PCGF3: variants seen among roughly 807,000 people sequenced by gnomAD.
The protein encoded by PCGF3 is polycomb group ring finger 3.
A neutral mutation model predicts 33.1 loss-of-function variants in PCGF3; 7 were observed. The ratio of observed to expected loss-of-function variants is 0.21; its 90% CI spans 0.12 to 0.40. The LOEUF is 0.40. PCGF3 is among the 10% of genes least tolerant of loss of function. The pLI, the probability that PCGF3 is intolerant of heterozygous loss-of-function variation, is 1.00. For missense variants in PCGF3, 211 were observed against 313.3 expected (o/e 0.67, Z 2.46); for synonymous variants, 153 against 121.3 (o/e 1.26, Z -1.72).
intron 1 of PCGF3, among the ~76,000 whole-genome samples, chr4:714,582 G>C (rs1742723452): frequency 6.6e-6 from 1 of 152,198 alleles, no homozygotes; most frequent in Non-Finnish European, 1.5e-5. Context: ...GAGTCAGCCA[G>C]GGCCTGTCCT....
intron 1 of PCGF3, among the ~76,000 whole-genome samples, chr4:727,302 G>A (rs538167860): frequency 5.9e-4 from 81 of 137,072 alleles, no homozygotes; most frequent in African/African-American, 2.0e-3. Context: ...AGTGCAAGGC[G>A]CGATCTCGGC....
In PCGF3 at chr4:716,696, G is replaced by T. The variant is rs571563741; in HGVS notation, c.-190+10726G>T. 7.2e-4 allele frequency among the ~76,000 whole-genome samples: 104 copies of T among 143,882 alleles called. 1 individual carries two copies. Among genetic ancestry groups the T allele is most frequent in the African/African-American group, 2.5e-3 (95 of 38,006 alleles). The allele number at this position is 143,882 out of a possible 152,430, so 94.4% of individuals were successfully genotyped here. A position where few individuals can be genotyped will look rare whatever the true frequency, so the allele number is the denominator to read the frequency against. On this transcript the variant is annotated intron_variant, in intron 1 of 10. Transcript: ENST00000362003. ...CCTGTAGACACTGTGTGAGAACTGG[G>T]CGTCGGTGCTGGGACCCTGAAGACA...
chr4:763,481 C>T (rs1311473501), intron 9 of PCGF3, among the ~76,000 whole-genome samples: 1 of 152,226 alleles, frequency 6.6e-6, no homozygotes, highest in Non-Finnish European at 1.5e-5. Context: ...AGGGAGGAAT[C>T]TGAAGAACTG....
chr4:716,112 G>GTT, intron 1 of PCGF3, among the ~76,000 whole-genome samples: 1 of 135,084 alleles, frequency 7.4e-6, no homozygotes, highest in Non-Finnish European at 1.6e-5. Context: ...TGTAGACACT[G>GTT]AGGGTGAGAA....
chr4:710,990 C>T (rs1742536646), intron 1 of PCGF3, among the ~76,000 whole-genome samples: 1 of 152,222 alleles, frequency 6.6e-6, no homozygotes, highest in Non-Finnish European at 1.5e-5. Flanking sequence ...CATAAAAATG[C>T]CGTAGGAGAC....
intron 9 of PCGF3, among the ~76,000 whole-genome samples, chr4:763,302 C>T (rs760567311): frequency 9.2e-5 from 14 of 152,114 alleles, no homozygotes; most frequent in African/African-American, 1.4e-4. Context: ...GGGAAGCTGC[C>T]GGACAGTGGG....
chr4:768,240 C>T (rs987223845), exon 11 of PCGF3: 7 of 152,680 alleles, frequency 4.6e-5, no homozygotes, highest in African/African-American at 1.4e-4. Flanking sequence ...CCCTATTTTT[C>T]TAGGAGTTCA....
At chr4:751,849 T>A (rs1744528761) in intron 8 of PCGF3, among the ~76,000 whole-genome samples, 1 of 152,038 alleles carries the variant, frequency 6.6e-6, no homozygotes, top group Admixed American at 6.5e-5. Flanking sequence ...CGCGCTGGCT[T>A]CACAGCCGAC....
At chr4:725,558 GGCTCCGTGGGCTGCCGAAGGCT>G (rs1236480765) in intron 1 of PCGF3, among the ~76,000 whole-genome samples, 1 of 135,654 alleles carries the variant, frequency 7.4e-6, no homozygotes, top group East Asian at 2.1e-4. Context: ...TCTGCGCTGT[GGCTCCGTGGGCTGCCGAAGGCT>G]GCTGTGGGCT....
At chr4:757,693 C>T (rs190098159) in intron 8 of PCGF3, 6 of 152,234 alleles carry the variant, frequency 3.9e-5, no homozygotes, top group East Asian at 1.9e-4. Context: ...GAGTTGGTTC[C>T]TGCTTTATTT....
chr4:748,486 A>G (rs1328523451), intron 8 of PCGF3, among the ~76,000 whole-genome samples: 1 of 152,184 alleles, frequency 6.6e-6, no homozygotes, highest in African/African-American at 2.4e-5. Context: ...GCGCCCAGCC[A>G]AGTAACGGAA....
intron 8 of PCGF3, among the ~76,000 whole-genome samples, chr4:751,631 C>T (rs1424940789): frequency 1.3e-5 from 2 of 150,730 alleles, no homozygotes; most frequent in African/African-American, 2.4e-5. Flanking sequence ...AAAAAAAAAA[C>T]ATATGAGGGA....
intron 1 of PCGF3, among the ~76,000 whole-genome samples, chr4:718,964 T>A (rs943652292): frequency 2.0e-5 from 3 of 152,208 alleles, no homozygotes; most frequent in Non-Finnish European, 4.4e-5. Flanking sequence ...TTTCTTTTTT[T>A]AATTTTTTGA....
intron 8 of PCGF3, among the ~76,000 whole-genome samples, chr4:755,381 T>C (rs1456101506): frequency 6.6e-6 from 1 of 152,174 alleles, no homozygotes; most frequent in Non-Finnish European, 1.5e-5. Context: ...TGTGAGTTGC[T>C]TACTTGTTCT....
chr4:717,623 C>T lies in PCGF3; in HGVS notation c.-190+11653C>T, dbSNP rs192610861. 5.9e-3 allele frequency among the ~76,000 whole-genome samples: 898 copies of T among 152,284 alleles called. 7 individuals carry two copies. Among genetic ancestry groups the T allele is most frequent in the Middle Eastern group, 0.024 (7 of 294 alleles). ...TCAAGCCCCTGACCTCGTGATCTGCCCACCTTGGCCTTGCAAAGTGCTGGG... is the reference window on the plus strand; with the variant it reads ...TCAAGCCCCTGACCTCGTGATCTGCTCACCTTGGCCTTGCAAAGTGCTGGG... On this transcript the variant is annotated intron_variant, in intron 1 of 10. Transcript: ENST00000362003.
At position 734,140 on chromosome 4, in the gene PCGF3, C is replaced by G. The variant is rs145656960; in HGVS notation, c.109+351C>G. 1,296 of 1,550,566 alleles carry G rather than the reference C, an allele frequency of 8.4e-4. 18 individuals are homozygous for G. The Middle Eastern group carries it at 0.015, about 18-fold the overall frequency. On this transcript the variant is annotated intron_variant, in intron 4 of 10. Coordinates refer to ENST00000362003, the Ensembl canonical transcript of PCGF3. ...CTTAGATCCTTCAAAGGGGAACCTT[C>G]CAGTGTGTTCTTCACACCTGATGTG...
chr4:760,597 T>C (rs1257966803), intron 8 of PCGF3, among the ~76,000 whole-genome samples: 1 of 152,252 alleles, frequency 6.6e-6, no homozygotes, highest in Non-Finnish European at 1.5e-5. Flanking sequence ...ACTGCATTTT[T>C]AGGCCCTAAC....
chr4:731,468 G>T, intron 3 of PCGF3: 1 of 298,600 alleles, frequency 3.3e-6, no homozygotes, highest in South Asian at 9.2e-5. Flanking sequence ...AGGTCCTCAG[G>T]GGCGCAGGGC....
At chr4:722,765 T>TCGC (rs1743157166) in intron 1 of PCGF3, among the ~76,000 whole-genome samples, 1 of 50,276 alleles carries the variant, frequency 2.0e-5, no homozygotes, top group Non-Finnish European at 3.6e-5. Context: ...GACATCGCCA[T>TCGC]CCACGCCGGG....
Sources: allele counts gnomAD v4.1 joint callset (sites outside exome capture counted in the v4.1 genomes callset), GRCh38; gene constraint gnomAD v4.1.1; transcripts MANE v1.5; gene names NCBI Gene and HGNC (gene_info 2026-07-23, HGNC 2026-07-21).